ANK1: variants seen among roughly 807,000 people sequenced by gnomAD.
The protein encoded by ANK1 is ankyrin-1.
ANK1 carries 51 observed loss-of-function variants against 210.4 expected under a neutral mutation model. The observed-to-expected ratio is 0.24, with a 90% CI of 0.19 to 0.31. The LOEUF is 0.31. Among genes scored for constraint, ANK1 ranks in the 10% least tolerant of loss-of-function variants. The pLI, the probability that ANK1 is intolerant of heterozygous loss-of-function variation, is 1.00. For synonymous variants in ANK1, 967 were observed against 1,025.9 expected (o/e 0.94, Z 1.10); for missense variants, 2,051 against 2,504.4 (o/e 0.82, Z 3.86).
intron 2 of ANK1, among the ~76,000 whole-genome samples, chr8:41,737,569 C>T (rs568150326): frequency 1.4e-4 from 21 of 152,332 alleles, no homozygotes; most frequent in South Asian, 6.2e-4. Context: ...CTGCCTCTCG[C>T]GGAGCTGCAC....
upstream of ANK1, among the ~76,000 whole-genome samples, chr8:41,801,024 T>C (rs1033353035): frequency 6.6e-6 from 1 of 152,254 alleles, no homozygotes; most frequent in African/African-American, 2.4e-5. Context: ...GCATTTTTGC[T>C]GCAACGTCAT....
At chr8:41,745,257 A>T (rs11782039) in intron 2 of ANK1, among the ~76,000 whole-genome samples, 36,245 of 151,986 alleles carry the variant, frequency 0.24, 4,694 homozygotes, top group Middle Eastern at 0.36. Context: ...GAGTCTGTGG[A>T]TTGGATGGTT....
chr8:41,668,548 C>G lies in ANK1; in HGVS notation c.5113G>C (p.Ala1705Pro). ...RSQDRLQDWD[A>P]DGSIVSYLQD... ...AGGTATGAGACAATCGAGCCGTCTGCATCCCAGTCCTGCAGTCTGGGGTCC... is the reference window on the plus strand; with the variant it reads ...AGGTATGAGACAATCGAGCCGTCTGGATCCCAGTCCTGCAGTCTGGGGTCC... Residue 1705 changes from alanine to proline, a missense_variant, in exon 39 of 43, where the codon GCA becomes CCA. By Grantham distance (27) the Ala-to-Pro change is conservative. Transcript: ENST00000289734. 6.2e-7 allele frequency: 1 copy of G among 1,613,420 alleles called. No individual in the cohort carries two copies. The highest frequency in any genetic ancestry group is 8.5e-7 in the Non-Finnish European group (1 of 1,179,374).
chr8:41,663,957 GTCGAGCTCAC>G, intron 39 of ANK1: 1 of 646,618 alleles, frequency 1.5e-6, no homozygotes, highest in Non-Finnish European at 2.8e-6. Context: ...AAGACGAACG[GTCGAGCTCAC>G]AATTGTGCAC....
At chr8:41,674,588 A>G (rs950176335) in intron 37 of ANK1, among the ~76,000 whole-genome samples, 12 of 152,268 alleles carry the variant, frequency 7.9e-5, no homozygotes, top group African/African-American at 2.2e-4. Flanking sequence ...CAGCTGGAAC[A>G]GAAAGACCTC....
chr8:41,749,891 C>T (rs927084874), intron 2 of ANK1, among the ~76,000 whole-genome samples: 1 of 152,242 alleles, frequency 6.6e-6, no homozygotes, highest in Non-Finnish European at 1.5e-5. Flanking sequence ...GGATTACAGG[C>T]GTGAGCCACC....
At chr8:41,803,083 GGGAAGGAAAGGAAAGGAAAGGAAAGGA>G (rs1587079477) in intron 1 of ANK1, among the ~76,000 whole-genome samples, 2 of 42,864 alleles carry the variant, frequency 4.7e-5, no homozygotes, top group African/African-American at 1.9e-4. Context: ...AAGGAAGGAA[GGGAAGGAAAGGAAAGGAAAGGAAAGGA>G]AAGGAAAGGA....
intron 24 of ANK1, 191 bp downstream of exon 24, chr8:41,697,852 G>C (rs1230928360): frequency 1.5e-6 from 1 of 675,296 alleles, no homozygotes. Context: ...ATCTCTTCCA[G>C]ACGCCGCCCA....
At chr8:41,702,441 C>T (rs1192517486) in intron 20 of ANK1, among the ~76,000 whole-genome samples, 6 of 152,136 alleles carry the variant, frequency 3.9e-5, no homozygotes, top group African/African-American at 9.7e-5. Context: ...AGAAGTCAGG[C>T]TCTGCTAAGT....
intron 1 of ANK1, among the ~76,000 whole-genome samples, chr8:41,759,241 C>A (rs968957106): frequency 6.6e-6 from 1 of 152,200 alleles, no homozygotes; most frequent in African/African-American, 2.4e-5. Flanking sequence ...GGCGTGGTGG[C>A]TCAAACCTGT....
chr8:41,695,435 C>G, intron 26 of ANK1, 104 bp from the exon 27 acceptor site: 1 of 1,530,352 alleles, frequency 6.5e-7, no homozygotes, highest in Admixed American at 1.7e-5. Context: ...TAAGGCACTT[C>G]CGCAGCCACG....
chr8:41,748,154 G>A (rs1319092933), intron 2 of ANK1, among the ~76,000 whole-genome samples: 1 of 152,158 alleles, frequency 6.6e-6, no homozygotes, highest in Non-Finnish European at 1.5e-5. Flanking sequence ...TGCATATCTG[G>A]TTTAACTATT....
intron 2 of ANK1, among the ~76,000 whole-genome samples, chr8:41,747,921 A>G (rs1836589180): frequency 1.3e-5 from 2 of 152,200 alleles, no homozygotes; most frequent in Non-Finnish European, 2.9e-5. Flanking sequence ...AGTCTGGGGC[A>G]GATCACCCAG....
Position 41,708,785 on chromosome 8 carries a change from C to T in ANK1, c.1991G>A (p.Gly664Glu), listed in dbSNP as rs1288037006. The change falls in exon 17 of 43, where the codon GGG becomes GAG. Residue 664 changes from glycine (G) to glutamate (E), a missense_variant. Coordinates refer to ENST00000289734, the MANE Select transcript of ANK1 (RefSeq NM_000037.4). ...LLSKQANGNL[G>E]NKSGLTPLHL... ...CGAAGACACCATGCCTACCTTGTTC[C>T]CCAGGTTGCCATTGGCTTGTTTCGA... 2 of 1,613,754 alleles carry T rather than the reference C, an allele frequency of 1.2e-6. No individual in the cohort carries two copies. Among genetic ancestry groups the T allele is most frequent in the Non-Finnish European group, 1.7e-6 (2 of 1,180,028 alleles).
chr8:41,735,716 T>G (rs761023179), intron 2 of ANK1, among the ~76,000 whole-genome samples: 1 of 152,208 alleles, frequency 6.6e-6, no homozygotes, highest in African/African-American at 2.4e-5. Flanking sequence ...ATTCACAGAT[T>G]AGGCAAATTG....
chr8:41,688,790 G>A (rs1026191835), intron 33 of ANK1, among the ~76,000 whole-genome samples: 2 of 152,152 alleles, frequency 1.3e-5, no homozygotes, highest in Non-Finnish European at 2.9e-5. Context: ...GCGCACATGC[G>A]TTATTAATCA....
intron 1 of ANK1, among the ~76,000 whole-genome samples, chr8:41,802,719 G>A (rs1850075866): frequency 6.6e-6 from 1 of 151,924 alleles, no homozygotes; most frequent in South Asian, 2.1e-4. Context: ...CGATCACTCG[G>A]GCAACATGGC....
At position 41,797,582 on chromosome 8, in the gene ANK1, G is replaced by A. The variant is rs1245133555; in HGVS notation, c.-44C>T. Reference sequence around the variant, plus strand: ...GCCCGCCGAAGGGCCTTGGGGGCTTGAGGAGGAGCAGCTGGGGCTGGCGGA... The same window carrying A: ...GCCCGCCGAAGGGCCTTGGGGGCTTAAGGAGGAGCAGCTGGGGCTGGCGGA... On this transcript the variant is annotated 5_prime_UTR_variant, in exon 1 of 43. Coordinates refer to ENST00000289734, the MANE Select transcript of ANK1 (RefSeq NM_000037.4). The surrounding 1 kb of genome is among the most constrained non-coding windows in gnomAD (Gnocchi z 4.0). 2 of 1,611,650 alleles carry A rather than the reference G, an allele frequency of 1.2e-6. No homozygotes were observed. Among genetic ancestry groups the A allele is most frequent in the Non-Finnish European group, 1.7e-6 (2 of 1,179,418 alleles).
chr8:41,719,524 C>T (rs913312379), intron 10 of ANK1, 137 bp downstream of exon 10: 1 of 1,128,202 alleles, frequency 8.9e-7, no homozygotes, highest in Non-Finnish European at 1.3e-6. Flanking sequence ...AGTGCTGTCA[C>T]ACCCCACTGC....
Sources: gnomAD v4.1 joint callset for allele counts (sites outside exome capture counted in the v4.1 genomes callset) on GRCh38, gnomAD v4.1.1 for gene constraint, Gnocchi (gnomAD v3.1) non-coding constraint, MANE v1.5 for transcripts, NCBI Gene and HGNC (gene_info 2026-07-23, HGNC 2026-07-21) for gene names.